The following PARG variants were observed in gnomAD, a reference collection of about 807,000 sequenced individuals.
PARG encodes the protein mitochondrial poly(ADP-ribose) glycohydrolase.
A neutral mutation model predicts 113.0 loss-of-function variants in PARG; 35 were observed. The ratio of observed to expected loss-of-function variants is 0.31; its 90% CI spans 0.24 to 0.41. The LOEUF is 0.41. PARG is among the 10% of genes least tolerant of loss of function. PARG has a pLI of 1.00. For synonymous variants in PARG, 330 were observed against 409.9 expected, an observed-to-expected ratio of 0.81 and a Z score of 2.36; for missense variants, 797 against 1,169.4, an observed-to-expected ratio of 0.68 and a Z score of 4.64.
chr10:49,858,557 G>A (rs1846104830), intron 12 of PARG, among the ~76,000 whole-genome samples: 2 of 129,800 alleles, frequency 1.5e-5, no homozygotes, highest in South Asian at 2.6e-4. Context: ...AGTATGAATC[G>A]TTTGATATGT....
In PARG at chr10:49,934,094, A is replaced by G. The variant is rs1274490178; in HGVS notation, c.354T>C (p.Phe118=). The change falls in exon 3 of 18, where the codon TTT becomes TTC. Residue 118 remains phenylalanine (F), a synonymous_variant. Transcript: ENST00000616448. ...CTAATTTTTCTACATTATGTTGGTA[A>G]AAGTTATCTTTTTGTACAGAACTCA... ...SMMSSVQKDN[F]YQHNVEKLEN... 1.4e-6 allele frequency: 2 copies of G among 1,418,074 alleles called. No individual in the cohort carries two copies. Among genetic ancestry groups the G allele is most frequent in the Non-Finnish European group, 2.0e-6 (2 of 1,000,846 alleles). 87.8% of individuals were successfully genotyped at this position (1,418,074 alleles called of 1,614,324 possible).
chr10:49,853,538 C>G (rs1259519284), intron 13 of PARG, among the ~76,000 whole-genome samples: 1 of 152,148 alleles, frequency 6.6e-6, no homozygotes, highest in African/African-American at 2.4e-5. Flanking sequence ...TTATATACTT[C>G]CCACGTGCAT....
chr10:49,883,398 GGCAAATTCAA>G (rs1564630643), intron 8 of PARG, among the ~76,000 whole-genome samples: 1 of 149,598 alleles, frequency 6.7e-6, no homozygotes, highest in Non-Finnish European at 1.5e-5. Context: ...AAAAGACAAA[GGCAAATTCAA>G]GCACGGTTGT....
At position 49,926,007 on chromosome 10, in the gene PARG, A is replaced by G. The variant is rs565325031; in HGVS notation, c.1456-3338T>C. 4.6e-5 allele frequency among the ~76,000 whole-genome samples: 7 copies of G among 152,344 alleles called. No individual in the cohort carries two copies. The South Asian group carries it at 1.4e-3, about 32-fold the overall frequency. ...CCATTGGCTGGGGTCGGGTCGTACA[A>G]TCTAAACTAATTCCGGTTAGCTAAA... On this transcript the variant is annotated intron_variant, in intron 4 of 17. Transcript: ENST00000616448.
At chr10:49,922,211 T>TGC (rs1837912845) in intron 6 of PARG, 125 bp downstream of exon 6, 1 of 969,010 alleles carries the variant, frequency 1.0e-6, no homozygotes, top group African/African-American at 1.6e-5. Context: ...GGGCCTTCCT[T>TGC]AGTGCCAGGA....
intron 13 of PARG, 107 bp downstream of exon 13, chr10:49,857,199 C>T (rs1554835199): frequency 1.7e-6 from 1 of 585,304 alleles, no homozygotes. Context: ...AATATTGGGA[C>T]TGATGCCCAT....
chr10:49,861,681 AT>A lies in PARG; in HGVS notation c.2130-19del, dbSNP rs1385985205. On this transcript the variant is annotated intron_variant, in intron 11 of 17. Coordinates refer to ENST00000616448, the MANE Select transcript of PARG (RefSeq NM_003631.5). Reference sequence around the variant, plus strand: ...TTTCACATCTACAATATAAAAAGACATTCCCTTATTTATTATTTTAATGACA... The same window carrying A: ...TTTCACATCTACAATATAAAAAGACATCCCTTATTTATTATTTTAATGACA... 40 of 834,268 alleles carry A rather than the reference AT, an allele frequency of 4.8e-5. No individual in the cohort carries two copies. Among genetic ancestry groups the A allele is most frequent in the Non-Finnish European group, 7.9e-5 (39 of 492,844 alleles). The allele number at this position is 834,268 out of a possible 1,614,324, so 51.7% of individuals were successfully genotyped here. A position where few individuals can be genotyped will look rare whatever the true frequency, so the allele number is the denominator to read the frequency against.
chr10:49,889,958 T>G (rs1388827601), intron 7 of PARG, among the ~76,000 whole-genome samples: 1 of 152,216 alleles, frequency 6.6e-6, no homozygotes, highest in African/African-American at 2.4e-5. Context: ...ATCTAAAATA[T>G]CACCATGACC....
At chr10:49,919,187 T>C (rs1837664569) in intron 6 of PARG, among the ~76,000 whole-genome samples, 1 of 152,192 alleles carries the variant, frequency 6.6e-6, no homozygotes, top group African/African-American at 2.4e-5. Context: ...GCGACCTGCC[T>C]GCCTCGGCCT....
chr10:49,864,853 AAACTTC>A (rs1248014873), intron 11 of PARG, among the ~76,000 whole-genome samples: 1 of 138,222 alleles, frequency 7.2e-6, no homozygotes, highest in African/African-American at 2.7e-5. Context: ...AAGGGCAGCC[AAACTTC>A]AAAATTCTTG....
chr10:49,865,845 T>C (rs1310225934), intron 10 of PARG, among the ~76,000 whole-genome samples: 1 of 151,034 alleles, frequency 6.6e-6, no homozygotes, highest in Non-Finnish European at 1.5e-5. Flanking sequence ...GGAGAATAAA[T>C]ACACATTTAT....
At chr10:49,869,857 T>A (rs1356083022) in intron 9 of PARG, among the ~76,000 whole-genome samples, 7 of 151,234 alleles carry the variant, frequency 4.6e-5, no homozygotes, top group Admixed American at 1.3e-4. Flanking sequence ...TCAACTGGGG[T>A]CAGTCAGTCA....
chr10:49,941,878 C>G lies in PARG; in HGVS notation c.-153G>C, dbSNP rs1326060242. On this transcript the variant is annotated 5_prime_UTR_variant, in exon 1 of 18. Coordinates refer to ENST00000616448, the MANE Select transcript of PARG (RefSeq NM_003631.5). ...GCTTCTGCAATTGCTGATCCGCCGG[C>G]CTCCCAAGTCAGGCCGTAAACACTC... 2.2e-6 allele frequency: 3 copies of G among 1,379,950 alleles called. No homozygotes were observed. The African/African-American group carries it at 4.3e-5, about 20-fold the overall frequency. 85.5% of individuals were successfully genotyped at this position (1,379,950 alleles called of 1,614,324 possible).
At chr10:49,891,115 C>A (rs2132682762) in intron 7 of PARG, among the ~76,000 whole-genome samples, 1 of 152,306 alleles carries the variant, frequency 6.6e-6, no homozygotes, top group South Asian at 2.1e-4. Flanking sequence ...GAGATCAAGA[C>A]CATCCTGGCT....
chr10:49,852,859 C>T (rs1317103337), intron 13 of PARG, among the ~76,000 whole-genome samples: 2 of 149,956 alleles, frequency 1.3e-5, no homozygotes, highest in Non-Finnish European at 3.0e-5. Flanking sequence ...GCCACCTCGC[C>T]CAGCCCAGTT....
At chr10:49,928,472 G>A (rs1359447775) in intron 4 of PARG, among the ~76,000 whole-genome samples, 1 of 152,106 alleles carries the variant, frequency 6.6e-6, no homozygotes, top group Non-Finnish European at 1.5e-5. Context: ...ATGCACGCAC[G>A]TATGCATGTG....
chr10:49,837,781 T>C (rs529801822), intron 15 of PARG, among the ~76,000 whole-genome samples: 34 of 152,322 alleles, frequency 2.2e-4, no homozygotes, highest in African/African-American at 8.2e-4. Flanking sequence ...AAAGAACACA[T>C]ATTTATCAGA....
rs1312519083 is a variant in PARG at position 49,924,726 on chromosome 10, C to A, written c.1456-2057G>T. Among the ~76,000 whole-genome samples the A allele has an allele frequency of 8.2e-4, 124 of 151,642 alleles. 1 individual carries two copies. Among genetic ancestry groups the A allele is most frequent in the African/African-American group, 2.8e-3 (116 of 41,330 alleles). On this transcript the variant is annotated intron_variant, in intron 4 of 17. Transcript: ENST00000616448. ...GGTACTTTAAGACTGACAAGGCAGA[C>A]TCTTTATAGCAATTAAGATACCAAC...
At chr10:49,827,350 C>G (rs1487447832) in intron 16 of PARG, among the ~76,000 whole-genome samples, 3 of 152,066 alleles carry the variant, frequency 2.0e-5, no homozygotes, top group Non-Finnish European at 2.9e-5. Flanking sequence ...AAAGAAAATG[C>G]AAAAAATGCA....
Sources: allele counts gnomAD v4.1 joint callset (sites outside exome capture counted in the v4.1 genomes callset), GRCh38; gene constraint gnomAD v4.1.1; transcripts MANE v1.5; gene names NCBI Gene and HGNC (gene_info 2026-07-23, HGNC 2026-07-21).